The following EXOC6 variants were observed in gnomAD, a reference collection of about 807,000 sequenced individuals.
The protein encoded by EXOC6 is exocyst complex component 6, also known as SEC15-like 1.
Under a neutral mutation model 112.5 loss-of-function variants are expected in EXOC6, and 60 were observed. The ratio of observed to expected loss-of-function variants is 0.53; its 90% CI spans 0.43 to 0.66. The LOEUF is 0.66. Ranked by LOEUF, EXOC6 falls within the 30% of genes least tolerant of loss-of-function variation. EXOC6 has a pLI of 0.00. For missense variants in EXOC6, 855 were observed against 957.1 expected, an observed-to-expected ratio of 0.89 and a Z score of 1.41; for synonymous variants, 295 against 308.0, an observed-to-expected ratio of 0.96 and a Z score of 0.44.
chr10:92,974,750 T>C (rs1337152909), intron 18 of EXOC6, among the ~76,000 whole-genome samples: 1 of 152,164 alleles, frequency 6.6e-6, no homozygotes, highest in African/African-American at 2.4e-5. Context: ...ATTTTTTTGG[T>C]GGAGACGGGG....
At chr10:92,870,295 T>C (rs1848386565) in intron 1 of EXOC6, among the ~76,000 whole-genome samples, 5 of 152,180 alleles carry the variant, frequency 3.3e-5, no homozygotes, top group African/African-American at 1.2e-4. Flanking sequence ...TTTTATCATG[T>C]TAAGGAAGTA....
intron 8 of EXOC6, 22 bp from the exon 9 acceptor site, chr10:92,928,317 T>C: frequency 1.4e-6 from 2 of 1,463,498 alleles, no homozygotes; most frequent in Non-Finnish European, 1.9e-6. Context: ...TATTTTTCAT[T>C]ACTCTGCTGA....
chr10:92,934,867 AT>A (rs928489111), intron 11 of EXOC6, among the ~76,000 whole-genome samples: 1 of 152,130 alleles, frequency 6.6e-6, no homozygotes, highest in Non-Finnish European at 1.5e-5. Context: ...GATTTTCAAA[AT>A]TTGAAATATT....
intron 1 of EXOC6, among the ~76,000 whole-genome samples, chr10:92,893,057 T>A (rs1849584972): frequency 6.6e-6 from 1 of 152,196 alleles, no homozygotes; most frequent in Non-Finnish European, 1.5e-5. Flanking sequence ...ACTCAGTAAT[T>A]CTTTGTTTTT....
chr10:93,017,052 G>A (rs141691872), intron 20 of EXOC6, among the ~76,000 whole-genome samples: 1,983 of 152,096 alleles, frequency 0.013, 36 homozygotes, highest in African/African-American at 0.042. Context: ...CTGACCTCAG[G>A]TGATTCACTT....
At chr10:92,912,727 T>C (rs556099758) in intron 6 of EXOC6, among the ~76,000 whole-genome samples, 44 of 152,202 alleles carry the variant, frequency 2.9e-4, no homozygotes, top group African/African-American at 9.9e-4. Flanking sequence ...TTACAAACAA[T>C]CTATAGAAAC....
At chr10:93,009,404 T>G (rs528753406) in intron 19 of EXOC6, among the ~76,000 whole-genome samples, 122 of 152,282 alleles carry the variant, frequency 8.0e-4, no homozygotes, top group African/African-American at 2.8e-3. Flanking sequence ...TTTAAGAAAC[T>G]TTCATTGAAT....
chr10:93,038,461 T>C lies in EXOC6; in HGVS notation c.2170-18463T>C, dbSNP rs1009720410. Among the ~76,000 whole-genome samples, 5 of 152,226 alleles carry C rather than the reference T, an allele frequency of 3.3e-5. 1 individual carries two copies. The highest frequency in any genetic ancestry group is 7.3e-5 in the Non-Finnish European group (5 of 68,038). On this transcript the variant is annotated intron_variant, in intron 20 of 21. Coordinates refer to ENST00000260762, the MANE Select transcript of EXOC6 (RefSeq NM_019053.6). Reference sequence around the variant, plus strand: ...GCAGTTAATTTATAAATTGAAGAAATTATCTTCTAATCCTATTTTACATAT... The same window carrying C: ...GCAGTTAATTTATAAATTGAAGAAACTATCTTCTAATCCTATTTTACATAT...
chr10:92,870,200 C>T (rs915620047), intron 1 of EXOC6, among the ~76,000 whole-genome samples: 12 of 151,982 alleles, frequency 7.9e-5, no homozygotes, highest in Non-Finnish European at 1.2e-4. Flanking sequence ...TTGATCCGCC[C>T]GCCTCAGCTT....
chr10:93,027,919 C>T (rs914999413), intron 20 of EXOC6, among the ~76,000 whole-genome samples: 14 of 152,182 alleles, frequency 9.2e-5, no homozygotes, highest in Non-Finnish European at 1.9e-4. Flanking sequence ...TGAAAGGCTA[C>T]AGCTACCATA....
intron 5 of EXOC6, among the ~76,000 whole-genome samples, chr10:92,908,254 C>T (rs1850554411): frequency 6.6e-6 from 1 of 151,792 alleles, no homozygotes; most frequent in Non-Finnish European, 1.5e-5. Flanking sequence ...AGAGTTTCAC[C>T]ACATTGGCCA....
chr10:92,865,324 A>AGGAG (rs1235796077), intron 1 of EXOC6, among the ~76,000 whole-genome samples: 1 of 152,174 alleles, frequency 6.6e-6, no homozygotes, highest in East Asian at 2.0e-4. Flanking sequence ...ACTTGAGGCC[A>AGGAG]GGAGCTTGAG....
chr10:92,873,470 G>A (rs564844194), intron 1 of EXOC6, among the ~76,000 whole-genome samples: 111 of 152,068 alleles, frequency 7.3e-4, no homozygotes, highest in African/African-American at 2.6e-3. Flanking sequence ...ACAGAAAATC[G>A]TTCTTCATTT....
intron 1 of EXOC6, 141 bp downstream of exon 1, chr10:92,848,775 G>C (rs1430858438): frequency 1.6e-5 from 9 of 566,996 alleles, no homozygotes; most frequent in African/African-American, 2.0e-5. Context: ...GGGCGCTCGC[G>C]GGTGGCGGAA....
upstream of EXOC6, chr10:92,831,401 G>T: frequency 1.8e-6 from 2 of 1,135,338 alleles, no homozygotes; most frequent in Non-Finnish European, 2.4e-6. Context: ...CTACTTTAGA[G>T]TATAGTATTC....
chr10:92,975,404 G>A (rs1842488550), intron 18 of EXOC6, among the ~76,000 whole-genome samples: 3 of 149,274 alleles, frequency 2.0e-5, no homozygotes, highest in East Asian at 2.0e-4. Flanking sequence ...GAGCCCCTCC[G>A]CCCGGCAGCC....
At position 92,952,415 on chromosome 10, in the gene EXOC6, A is replaced by G. The variant is rs372432013; in HGVS notation, c.1526+33A>G. ...TACTAATCACAAATGCATTTTTGTCATAACTTTTATGAAACATTAATACTT... is the reference window on the plus strand; with the variant it reads ...TACTAATCACAAATGCATTTTTGTCGTAACTTTTATGAAACATTAATACTT... On this transcript the variant is annotated intron_variant, in intron 15 of 21. Coordinates refer to ENST00000260762, the MANE Select transcript of EXOC6 (RefSeq NM_019053.6). 7.8e-6 allele frequency: 10 copies of G among 1,282,756 alleles called. No homozygotes were observed. The African/African-American group carries it at 1.2e-4, about 15-fold the overall frequency. 79.5% of individuals were successfully genotyped at this position (1,282,756 alleles called of 1,614,324 possible).
At chr10:93,031,188 A>T (rs1845254583) in intron 20 of EXOC6, among the ~76,000 whole-genome samples, 1 of 152,100 alleles carries the variant, frequency 6.6e-6, no homozygotes, top group African/African-American at 2.4e-5. Flanking sequence ...GGGGAAATTT[A>T]CACCTAGATA....
At chr10:93,008,043 C>T (rs1270009864) in intron 19 of EXOC6, among the ~76,000 whole-genome samples, 1 of 152,018 alleles carries the variant, frequency 6.6e-6, no homozygotes, top group African/African-American at 2.4e-5. Flanking sequence ...CCTGGTGGTG[C>T]ATGCCTGTAA....
Sources: gnomAD v4.1 joint callset for allele counts (sites outside exome capture counted in the v4.1 genomes callset) on GRCh38, gnomAD v4.1.1 for gene constraint, MANE v1.5 for transcripts, NCBI Gene and HGNC (gene_info 2026-07-23, HGNC 2026-07-21) for gene names.